The following SPTB variants were observed in gnomAD, a reference collection of about 807,000 sequenced individuals.
The protein encoded by SPTB is spectrin beta chain, erythrocytic.
A neutral mutation model predicts 256.2 loss-of-function variants in SPTB; 45 were observed. The ratio of observed to expected loss-of-function variants is 0.18; its 90% CI spans 0.14 to 0.23. The LOEUF (loss-of-function observed/expected upper bound fraction) is 0.23. Among genes scored for constraint, SPTB ranks in the 10% least tolerant of loss-of-function variants. SPTB has a pLI of 1.00. For synonymous variants in SPTB, 1,231 were observed against 1,243.1 expected, an observed-to-expected ratio of 0.99 and a Z score of 0.21; for missense variants, 2,715 against 3,040.4, an observed-to-expected ratio of 0.89 and a Z score of 2.52.
In SPTB at chr14:64,748,230, CCAT is replaced by C. The variant is rs2081879057; in HGVS notation, c.*1073_*1075del. Reference sequence around the variant, plus strand: ...ATGATCAACTTTACTGTCTGCCCAGCCATTACCCTCCAAAGTCCCAGCTGCAGA... The same window carrying C: ...ATGATCAACTTTACTGTCTGCCCAGCTACCCTCCAAAGTCCCAGCTGCAGA... On this transcript the variant is annotated 3_prime_UTR_variant, in exon 36 of 36. Transcript: ENST00000644917. The C allele has an allele frequency of 6.7e-6, 1 of 149,732 alleles. No homozygotes were observed. The highest frequency in any genetic ancestry group is 1.5e-5 in the Non-Finnish European group (1 of 68,006). 9.3% of individuals were successfully genotyped at this position (149,732 alleles called of 1,614,324 possible).
At chr14:64,857,368 A>G (rs1459797204) in intron 1 of SPTB, among the ~76,000 whole-genome samples, 1 of 151,964 alleles carries the variant, frequency 6.6e-6, no homozygotes, top group Non-Finnish European at 1.5e-5. Context: ...ATATCACTTG[A>G]GCCTAGGAGT....
chr14:64,838,858 G>A (rs2083563692), intron 1 of SPTB, among the ~76,000 whole-genome samples: 1 of 151,990 alleles, frequency 6.6e-6, no homozygotes, highest in South Asian at 2.1e-4. Flanking sequence ...TTAGGGCTGG[G>A]TGTGGTGACT....
At chr14:64,755,004 G>T (rs1282872392) in intron 32 of SPTB, 1 of 152,324 alleles carries the variant, frequency 6.6e-6, no homozygotes, top group Non-Finnish European at 1.5e-5. Context: ...ACACCTTTCA[G>T]CAAGAGGTAG....
At chr14:64,819,779 T>G (rs1019172007) in intron 2 of SPTB, among the ~76,000 whole-genome samples, 2 of 152,202 alleles carry the variant, frequency 1.3e-5, no homozygotes, top group Non-Finnish European at 2.9e-5. Flanking sequence ...TGATCTTGAA[T>G]GTCTGAAGTT....
intron 9 of SPTB, among the ~76,000 whole-genome samples, chr14:64,798,136 T>C (rs556126539): frequency 9.8e-5 from 15 of 152,326 alleles, no homozygotes; most frequent in African/African-American, 3.6e-4. Context: ...AGCTGAGGTA[T>C]TCTGGTAATT....
rs144529447 is a variant in SPTB, at chr14:64,783,373, T to G, written c.4003-820A>C. On this transcript the variant is annotated intron_variant, in intron 19 of 35. Transcript: ENST00000644917. ...TATGCCACCATGCCCAGATAATTTT[T>G]GTATTTTTAGTAGAGATGGGATTTC... Among the ~76,000 whole-genome samples the G allele has an allele frequency of 2.8e-3, 425 of 152,262 alleles. 4 individuals carry two copies. The highest frequency in any genetic ancestry group is 0.01 in the African/African-American group (417 of 41,522).
intron 1 of SPTB, among the ~76,000 whole-genome samples, chr14:64,851,441 TCAGTAG>T (rs987718972): frequency 5.3e-5 from 8 of 152,008 alleles, no homozygotes; most frequent in East Asian, 1.9e-4. Context: ...AGAGTTAATA[TCAGTAG>T]CAGTAGCAGT....
intron 1 of SPTB, among the ~76,000 whole-genome samples, chr14:64,829,976 A>G (rs988113075): frequency 2.6e-5 from 4 of 152,078 alleles, no homozygotes; most frequent in African/African-American, 9.7e-5. Flanking sequence ...TTCCTGGAGC[A>G]TCTCTGCATG....
chr14:64,863,107 C>A (rs1382866538), intron 1 of SPTB, among the ~76,000 whole-genome samples: 1 of 152,084 alleles, frequency 6.6e-6, no homozygotes, highest in Non-Finnish European at 1.5e-5. Context: ...TGCAGGGTGT[C>A]CTAAAACATA....
intron 32 of SPTB, among the ~76,000 whole-genome samples, chr14:64,765,676 G>T (rs1272064458): frequency 6.6e-6 from 1 of 152,240 alleles, no homozygotes; most frequent in Non-Finnish European, 1.5e-5. Flanking sequence ...CAGGCCTCAG[G>T]CCAGATCGGT....
At chr14:64,834,516 C>G (rs1198066812) in intron 1 of SPTB, among the ~76,000 whole-genome samples, 1 of 151,820 alleles carries the variant, frequency 6.6e-6, no homozygotes, top group Non-Finnish European at 1.5e-5. Flanking sequence ...ATCCCTGCCT[C>G]CCAGGCTAAA....
chr14:64,866,877 T>C lies in SPTB; in HGVS notation c.-52+12915A>G, dbSNP rs375633736. Among the ~76,000 whole-genome samples, 9 of 152,226 alleles carry C rather than the reference T, an allele frequency of 5.9e-5. No individual in the cohort carries two copies. The highest frequency in any genetic ancestry group is 1.9e-4 in the African/African-American group (8 of 41,458). ...ATACAGGAATTTTCAGTCTTTTTTTTCTGAAGTGCTTTTCTTAACTCTTTA... is the reference window on the plus strand; with the variant it reads ...ATACAGGAATTTTCAGTCTTTTTTTCCTGAAGTGCTTTTCTTAACTCTTTA... On this transcript the variant is annotated intron_variant, in intron 1 of 35. Coordinates refer to ENST00000644917, the MANE Select transcript of SPTB (RefSeq NM_001355436.2). The surrounding 1 kb of genome is among the most constrained non-coding windows in gnomAD (Gnocchi z 4.6).
intron 2 of SPTB, among the ~76,000 whole-genome samples, chr14:64,808,203 G>A (rs927586104): frequency 6.6e-6 from 1 of 152,106 alleles, no homozygotes; most frequent in Non-Finnish European, 1.5e-5. Context: ...TAGTACAGAC[G>A]GGGTTTCACC....
At chr14:64,751,927 C>CAAAAAAAAAAAAAAAAAAAAAAAAAAAAA (rs374561563) in intron 33 of SPTB, among the ~76,000 whole-genome samples, 15 of 71,930 alleles carry the variant, frequency 2.1e-4, no homozygotes, top group Non-Finnish European at 3.8e-4. Context: ...ACTAAAAATG[C>CAAAAAAAAAAAAAAAAAAAAAAAAAAAAA]AAAAAAAAAA....
rs1695777 is a variant in SPTB, at chr14:64,777,167, T to G, written c.4564-1764A>C. On this transcript the variant is annotated intron_variant, in intron 22 of 35. Coordinates refer to ENST00000644917, the MANE Select transcript of SPTB (RefSeq NM_001355436.2). This position sits in a 1 kb window ranked among gnomAD's most constrained non-coding sequence, Gnocchi z 4.5. ...GAGGCAACCACACAGAGATCTGGGG[T>G]TGAGTGTTCCTGGCAAGAGGACTGA... is the stretch of plus-strand genomic sequence containing the variant. Among the ~76,000 whole-genome samples, 84,957 of 151,818 alleles carry G rather than the reference T, an allele frequency of 0.56. 26,312 individuals are homozygous for G. Among genetic ancestry groups the G allele is most frequent in the African/African-American group, 0.84 (34,834 of 41,464 alleles).
chr14:64,815,697 C>T (rs1025747646), intron 2 of SPTB, among the ~76,000 whole-genome samples: 19 of 152,194 alleles, frequency 1.2e-4, no homozygotes, highest in East Asian at 1.9e-4. Context: ...TCTGGAGAAG[C>T]GCCGATTTGC....
chr14:64,749,198 A>AT lies in SPTB; in HGVS notation c.*107_*108insA. The AT allele has an allele frequency of 7.2e-7, 1 of 1,381,760 alleles. No individual in the cohort carries two copies. 85.6% of individuals were successfully genotyped at this position (1,381,760 alleles called of 1,614,324 possible). On this transcript the variant is annotated 3_prime_UTR_variant, in exon 36 of 36. Coordinates refer to ENST00000644917, the MANE Select transcript of SPTB (RefSeq NM_001355436.2). This position sits in a 1 kb window ranked among gnomAD's most constrained non-coding sequence, Gnocchi z 4.7. ...GTGGGGCCCGGGGGCCCGGCCCGCG[A>AT]CTCGACTCATCTCGATTCGACCGGC...
In SPTB at chr14:64,873,148, C is replaced by T. The variant is rs1882636931; in HGVS notation, c.-52+6644G>A. 6.6e-6 allele frequency among the ~76,000 whole-genome samples: 1 copy of T among 152,150 alleles called. No individual in the cohort carries two copies. Among genetic ancestry groups the T allele is most frequent in the Non-Finnish European group, 1.5e-5 (1 of 68,022 alleles). On this transcript the variant is annotated intron_variant, in intron 1 of 35. Coordinates refer to ENST00000644917, the MANE Select transcript of SPTB (RefSeq NM_001355436.2). This position sits in a 1 kb window ranked among gnomAD's most constrained non-coding sequence, Gnocchi z 4.3. ...CCCTACCTGAAATAGTAGAACCACCCTTCTTTCCCTTCATATTGCTTTATT... is the reference window on the plus strand; with the variant it reads ...CCCTACCTGAAATAGTAGAACCACCTTTCTTTCCCTTCATATTGCTTTATT...
rs2083324512 is a variant in SPTB at position 64,823,185 on chromosome 14, C to A, written c.-51-40G>T. 2 of 1,519,310 alleles carry A rather than the reference C, an allele frequency of 1.3e-6. No homozygotes were observed. Among genetic ancestry groups the A allele is most frequent in the Non-Finnish European group, 1.8e-6 (2 of 1,097,102 alleles). 94.1% of individuals were successfully genotyped at this position (1,519,310 alleles called of 1,614,324 possible). A position where few individuals can be genotyped will look rare whatever the true frequency, so the allele number is the denominator to read the frequency against. On this transcript the variant is annotated intron_variant, in intron 1 of 35. Coordinates refer to ENST00000644917, the MANE Select transcript of SPTB (RefSeq NM_001355436.2). This position sits in a 1 kb window ranked among gnomAD's most constrained non-coding sequence, Gnocchi z 6.5. ...CACAGTCAGAGGGTTATCTCTCTAC[C>A]CCCTCGGACTTTTTCTCCGGGGAAA...
Sources: allele counts gnomAD v4.1 joint callset (sites outside exome capture counted in the v4.1 genomes callset), GRCh38; gene constraint gnomAD v4.1.1; non-coding constraint Gnocchi (gnomAD v3.1); transcripts MANE v1.5; gene names NCBI Gene and HGNC (gene_info 2026-07-23, HGNC 2026-07-21).